The following CDH4 variants were observed in gnomAD, a reference collection of about 807,000 sequenced individuals.
The protein encoded by CDH4 is cadherin-4.
A neutral mutation model predicts 86.0 loss-of-function variants in CDH4; 33 were observed. The ratio of observed to expected loss-of-function variants is 0.38; its 90% CI spans 0.29 to 0.51. CDH4 has a LOEUF of 0.51. Among genes scored for constraint, CDH4 ranks in the 20% least tolerant of loss-of-function variants. CDH4 has a pLI of 0.86. For missense variants in CDH4, 1,114 were observed against 1,307.4 expected (o/e 0.85, Z 2.28); for synonymous variants, 555 against 549.4 (o/e 1.01, Z -0.14).
chr20:61,365,163 C>T (rs4074395), intron 2 of CDH4, among the ~76,000 whole-genome samples: 26,919 of 152,176 alleles, frequency 0.18, 3,044 homozygotes, highest in East Asian at 0.36. Flanking sequence ...AAGATCATAG[C>T]AAGAGTCCAA....
Position 61,924,147 on chromosome 20 carries a change from C to CG in CDH4, c.1629-180dup, listed in dbSNP as rs562477228. Reference sequence around the variant, plus strand: ...TGCGTGGCCTGTCCTGTTGTGGGGCCGGGGGGGAGGGTGCCAGTCCAACGT... The same window carrying CG: ...TGCGTGGCCTGTCCTGTTGTGGGGCCGGGGGGGGAGGGTGCCAGTCCAACGT... On this transcript the variant is annotated intron_variant, in intron 10 of 15. Coordinates refer to ENST00000614565, the MANE Select transcript of CDH4 (RefSeq NM_001794.5). 3.4e-4 allele frequency among the ~76,000 whole-genome samples: 48 copies of CG among 139,388 alleles called. No individual in the cohort carries two copies. The South Asian group carries it at 6.7e-3, about 19-fold the overall frequency. The allele number at this position is 139,388 out of a possible 152,430, so 91.4% of individuals were successfully genotyped here.
chr20:61,635,418 G>A (rs1051602521), intron 2 of CDH4, among the ~76,000 whole-genome samples: 5 of 152,176 alleles, frequency 3.3e-5, no homozygotes, highest in South Asian at 4.1e-4. Flanking sequence ...TGGCTGCTGC[G>A]GGTGATGTGC....
chr20:61,650,051 G>T (rs1391397409), intron 2 of CDH4, among the ~76,000 whole-genome samples: 3 of 152,186 alleles, frequency 2.0e-5, no homozygotes, highest in Non-Finnish European at 4.4e-5. Flanking sequence ...TTCCTAAATG[G>T]GCAGTCAGCG....
intron 4 of CDH4, among the ~76,000 whole-genome samples, chr20:61,787,951 CAG>C (rs1342290006): frequency 6.6e-6 from 1 of 152,210 alleles, no homozygotes; most frequent in East Asian, 1.9e-4. Flanking sequence ...CCAGGTCACT[CAG>C]GGGCGTGTGG....
intron 3 of CDH4, among the ~76,000 whole-genome samples, chr20:61,746,881 C>T (rs1210715929): frequency 6.6e-6 from 1 of 152,206 alleles, no homozygotes; most frequent in East Asian, 1.9e-4. Flanking sequence ...GAGTGGGGGT[C>T]ACTGTGGGAC....
intron 5 of CDH4, among the ~76,000 whole-genome samples, chr20:61,848,925 C>G (rs2053071402): frequency 6.6e-6 from 1 of 152,230 alleles, no homozygotes; most frequent in Non-Finnish European, 1.5e-5. Context: ...GCCAGCATCT[C>G]TTGCTGCCTC....
At chr20:61,308,753 G>T (rs1189486082) in intron 2 of CDH4, among the ~76,000 whole-genome samples, 1 of 152,232 alleles carries the variant, frequency 6.6e-6, no homozygotes, top group African/African-American at 2.4e-5. Context: ...TTTGATGATT[G>T]CAGGCGGAGG....
intron 2 of CDH4, among the ~76,000 whole-genome samples, chr20:61,705,805 C>T (rs1404558426): frequency 2.6e-5 from 4 of 152,238 alleles, no homozygotes; most frequent in African/African-American, 9.6e-5. Context: ...CGACAGGCTC[C>T]ATTTGCAAGG....
intron 2 of CDH4, among the ~76,000 whole-genome samples, chr20:61,635,338 TTG>T (rs2086935662): frequency 1.3e-5 from 2 of 152,116 alleles, no homozygotes; most frequent in African/African-American, 4.8e-5. Context: ...ATCCTAAGGA[TTG>T]TGAAATGGTG....
At chr20:61,892,111 C>T (rs1464756269) in intron 7 of CDH4, among the ~76,000 whole-genome samples, 1 of 152,224 alleles carries the variant, frequency 6.6e-6, no homozygotes, top group Non-Finnish European at 1.5e-5. Context: ...GTCAATAAAA[C>T]TTTATTTACA....
intron 7 of CDH4, among the ~76,000 whole-genome samples, chr20:61,877,833 G>A (rs1368562673): frequency 6.6e-6 from 1 of 152,192 alleles, no homozygotes; most frequent in Non-Finnish European, 1.5e-5. Flanking sequence ...TCAGGGGACG[G>A]TCATGGGGCT....
chr20:61,420,499 C>G (rs930940346), intron 2 of CDH4, among the ~76,000 whole-genome samples: 4 of 152,240 alleles, frequency 2.6e-5, no homozygotes, highest in Admixed American at 2.6e-4. Flanking sequence ...ACTTTGTCGC[C>G]ACTGAAAACA....
intron 2 of CDH4, among the ~76,000 whole-genome samples, chr20:61,723,519 G>A (rs2088067524): frequency 2.0e-5 from 3 of 152,160 alleles, no homozygotes; most frequent in Non-Finnish European, 4.4e-5. Context: ...TGGGCATGAT[G>A]GGCACCTGAG....
At chr20:61,353,905 G>A (rs1001338659) in intron 2 of CDH4, among the ~76,000 whole-genome samples, 3 of 151,742 alleles carry the variant, frequency 2.0e-5, no homozygotes, top group Non-Finnish European at 4.4e-5. Context: ...GGAGAATGAT[G>A]ATTTTTCACC....
intron 2 of CDH4, among the ~76,000 whole-genome samples, chr20:61,347,735 T>A (rs1189458974): frequency 6.6e-6 from 1 of 152,226 alleles, no homozygotes; most frequent in Non-Finnish European, 1.5e-5. Context: ...AAGCGCCAAC[T>A]CGCCTTCTTT....
At chr20:61,404,920 C>G (rs1294177641) in intron 2 of CDH4, among the ~76,000 whole-genome samples, 13 of 152,034 alleles carry the variant, frequency 8.6e-5, no homozygotes, top group Non-Finnish European at 1.9e-4. Flanking sequence ...CATGGTGGCA[C>G]GTGCCTGTAG....
intron 2 of CDH4, among the ~76,000 whole-genome samples, chr20:61,376,005 G>C (rs2084869478): frequency 4.0e-5 from 6 of 149,992 alleles, no homozygotes; most frequent in African/African-American, 7.4e-5. Context: ...TGATGGTCTT[G>C]GTGGTGGTGA....
intron 6 of CDH4, among the ~76,000 whole-genome samples, chr20:61,856,410 G>C (rs1285748386): frequency 9.7e-6 from 1 of 103,050 alleles, no homozygotes; most frequent in East Asian, 2.8e-4. Flanking sequence ...CAAGAGTCCT[G>C]CGTGCCCCCC....
intron 2 of CDH4, among the ~76,000 whole-genome samples, chr20:61,363,510 T>C (rs768363554): frequency 6.6e-6 from 1 of 151,186 alleles, no homozygotes; most frequent in Non-Finnish European, 1.5e-5. Context: ...CTATGACAAA[T>C]GTTATAAAGA....
Sources: gnomAD v4.1 joint callset for allele counts (sites outside exome capture counted in the v4.1 genomes callset) on GRCh38, gnomAD v4.1.1 for gene constraint, MANE v1.5 for transcripts, NCBI Gene and HGNC (gene_info 2026-07-23, HGNC 2026-07-21) for gene names.